SLCO3A1: variants seen among roughly 807,000 people sequenced by gnomAD.
SLCO3A1 encodes the protein PGE1 transporter.
Under a neutral mutation model 63.1 loss-of-function variants are expected in SLCO3A1, and 27 were observed. The observed-to-expected ratio is 0.43, with a 90% CI of 0.32 to 0.59. SLCO3A1 has a LOEUF of 0.59. Among genes scored for constraint, SLCO3A1 ranks in the 20% least tolerant of loss-of-function variants. SLCO3A1 has a pLI of 0.09. For missense variants in SLCO3A1, 773 were observed against 945.8 expected, an observed-to-expected ratio of 0.82 and a Z score of 2.40; for synonymous variants, 473 against 409.9, an observed-to-expected ratio of 1.15 and a Z score of -1.86.
chr15:91,931,801 G>GCACACACA (rs747533145), intron 2 of SLCO3A1, among the ~76,000 whole-genome samples: 3 of 149,770 alleles, frequency 2.0e-5, no homozygotes, highest in Non-Finnish European at 4.5e-5. Flanking sequence ...ACACACACAC[G>GCACACACA]CACACACACA....
intron 2 of SLCO3A1, among the ~76,000 whole-genome samples, chr15:92,072,002 G>A (rs2047221088): frequency 1.3e-5 from 2 of 152,176 alleles, no homozygotes; most frequent in South Asian, 4.1e-4. Flanking sequence ...GCACAAATCG[G>A]TTCTTCCCTA....
chr15:92,127,505 C>T (rs985960303), intron 6 of SLCO3A1, among the ~76,000 whole-genome samples: 1 of 152,142 alleles, frequency 6.6e-6, no homozygotes, highest in African/African-American at 2.4e-5. Context: ...ATGAAATAAT[C>T]CATGCAGTAC....
Position 92,140,612 on chromosome 15 carries a change from C to G in SLCO3A1, c.1513-6372C>G, listed in dbSNP as rs543120279. Among the ~76,000 whole-genome samples, 4 of 152,270 alleles carry G rather than the reference C, an allele frequency of 2.6e-5. No individual in the cohort carries two copies. The South Asian group carries it at 6.2e-4, about 24-fold the overall frequency. Reference sequence around the variant, plus strand: ...TCTCCCATTATTAATGTGTGGGAGTCTAATTCTCTTTGTAGGTCACTCAGG... The same window carrying G: ...TCTCCCATTATTAATGTGTGGGAGTGTAATTCTCTTTGTAGGTCACTCAGG... On this transcript the variant is annotated intron_variant, in intron 7 of 9. Coordinates refer to ENST00000318445, the MANE Select transcript of SLCO3A1 (RefSeq NM_013272.4).
rs751987219 is a variant in SLCO3A1 at position 92,104,496 on chromosome 15, C to G, written c.963C>G (p.His321Gln). The G allele has an allele frequency of 1.9e-6, 3 of 1,613,882 alleles. No homozygotes were observed. The Admixed American group carries it at 5.0e-5, about 27-fold the overall frequency. The change falls in exon 4 of 10, where the codon CAC (histidine) becomes CAG (glutamine). Residue 321 changes from histidine (H) to glutamine (Q), a missense_variant. Physicochemically the swap from His to Gln is conservative, Grantham distance 24. Coordinates refer to ENST00000318445, the MANE Select transcript of SLCO3A1 (RefSeq NM_013272.4). Reference protein sequence around the residue: ...RPKPSNGVLRHPLEPDSSASC... With the variant: ...RPKPSNGVLRQPLEPDSSASC... The stretch of plus-strand genomic sequence containing the variant: ...AGCCCAGCAACGGGGTCCTGAGGCA[C>G]CCCCTGGAGCCAGACAGCAGTGCCT...
intron 4 of SLCO3A1, among the ~76,000 whole-genome samples, chr15:92,105,508 C>A (rs1245736181): frequency 1.3e-5 from 2 of 152,086 alleles, no homozygotes; most frequent in African/African-American, 2.4e-5. Flanking sequence ...AGTGAGAACC[C>A]CCCTCCACCA....
chr15:91,962,586 A>AG (rs1900491113), intron 2 of SLCO3A1, among the ~76,000 whole-genome samples: 1 of 150,086 alleles, frequency 6.7e-6, no homozygotes, highest in African/African-American at 2.4e-5. Context: ...CTTGGTGCTG[A>AG]GGAGGGAAGT....
intron 2 of SLCO3A1, among the ~76,000 whole-genome samples, chr15:92,019,446 G>C (rs1239285660): frequency 6.6e-6 from 1 of 152,216 alleles, no homozygotes; most frequent in African/African-American, 2.4e-5. Flanking sequence ...ACCCCCAGAG[G>C]CTTCCTCCTA....
intron 2 of SLCO3A1, among the ~76,000 whole-genome samples, chr15:91,962,207 C>G (rs999834869): frequency 6.6e-6 from 1 of 152,172 alleles, no homozygotes; most frequent in East Asian, 1.9e-4. Context: ...CGGCCGTGCA[C>G]AGTGGCTCAC....
intron 1 of SLCO3A1, among the ~76,000 whole-genome samples, chr15:91,898,336 A>C (rs1898061738): frequency 6.6e-6 from 1 of 152,166 alleles, no homozygotes; most frequent in Non-Finnish European, 1.5e-5. Context: ...TTCCTTTTAC[A>C]TTTGCTAATA....
At chr15:91,943,087 T>G (rs1161699619) in intron 2 of SLCO3A1, among the ~76,000 whole-genome samples, 1 of 152,224 alleles carries the variant, frequency 6.6e-6, no homozygotes, top group Non-Finnish European at 1.5e-5. Flanking sequence ...TTATAGAAAT[T>G]GATGGTAAAA....
At position 91,862,276 on chromosome 15, in the gene SLCO3A1, C is replaced by T. The variant is rs1897067012; in HGVS notation, c.180+8188C>T. Reference sequence around the variant, plus strand: ...TCAAGCAATTCTCCTGCCTCAGCCTCCCCAGTAGCTGGGACTACAGGCGCG... The same window carrying T: ...TCAAGCAATTCTCCTGCCTCAGCCTTCCCAGTAGCTGGGACTACAGGCGCG... On this transcript the variant is annotated intron_variant, in intron 1 of 9. Coordinates refer to ENST00000318445, the MANE Select transcript of SLCO3A1 (RefSeq NM_013272.4). The surrounding 1 kb of genome is among the most constrained non-coding windows in gnomAD (Gnocchi z 4.0). Among the ~76,000 whole-genome samples, 1 of 152,068 alleles carries T rather than the reference C, an allele frequency of 6.6e-6. No individual in the cohort carries two copies. The highest frequency in any genetic ancestry group is 6.5e-5 in the Admixed American group (1 of 15,274).
rs372118233 is a variant in SLCO3A1, at chr15:92,101,512, GA to G, written c.746-2756del. On this transcript the variant is annotated intron_variant, in intron 3 of 9. Transcript: ENST00000318445. ...CGACAGAGCGAGATCCACCTCAAAA[GA>G]AAAAAAAAAATTAGTATTTGTTATA... Among the ~76,000 whole-genome samples the G allele has an allele frequency of 4.9e-3, 722 of 146,026 alleles. 4 individuals are homozygous for G. The highest frequency in any genetic ancestry group is 0.012 in the African/African-American group (492 of 40,028).
In SLCO3A1 at chr15:91,989,471, T is replaced by C. The variant is rs2046098924; in HGVS notation, c.646+73013T>C. On this transcript the variant is annotated intron_variant, in intron 2 of 9. Transcript: ENST00000318445. The stretch of plus-strand genomic sequence containing the variant: ...AAATATGGATTGCGTGATTGAATGA[T>C]TTAGTAAAAAACATTCCAGATCTCT... Among the ~76,000 whole-genome samples the C allele has an allele frequency of 4.6e-5, 7 of 152,304 alleles. 1 individual carries two copies. In the South Asian group the frequency reaches 1.2e-3, roughly 27 times the overall value.
chr15:91,889,714 C>G (rs1348329848), intron 1 of SLCO3A1, among the ~76,000 whole-genome samples: 1 of 152,240 alleles, frequency 6.6e-6, no homozygotes, highest in East Asian at 1.9e-4. Flanking sequence ...GGCAAATCAA[C>G]CAGGCCATTA....
In SLCO3A1 at chr15:91,856,686, A is replaced by G. The variant is rs1167399643; in HGVS notation, c.180+2598A>G. 6.6e-6 allele frequency among the ~76,000 whole-genome samples: 1 copy of G among 152,180 alleles called. No individual in the cohort carries two copies. Among genetic ancestry groups the G allele is most frequent in the Non-Finnish European group, 1.5e-5 (1 of 68,018 alleles). On this transcript the variant is annotated intron_variant, in intron 1 of 9. Transcript: ENST00000318445. This position sits in a 1 kb window ranked among gnomAD's most constrained non-coding sequence, Gnocchi z 4.9. ...GGTCCACGTGCTAAGTGTGCGTTAT[A>G]CGTGATCCTTACCTTGGCAATCAGC...
At chr15:91,893,338 G>C (rs1434387095) in intron 1 of SLCO3A1, among the ~76,000 whole-genome samples, 1 of 152,216 alleles carries the variant, frequency 6.6e-6, no homozygotes, top group East Asian at 1.9e-4. Context: ...GCTATAACAC[G>C]ATACCATAAA....
chr15:92,086,710 T>C (rs550087834), intron 2 of SLCO3A1, among the ~76,000 whole-genome samples: 7 of 152,294 alleles, frequency 4.6e-5, no homozygotes, highest in African/African-American at 1.4e-4. Flanking sequence ...GCGCAGTGGC[T>C]CATGCCTGTA....
At chr15:92,019,763 T>C (rs16946268) in intron 2 of SLCO3A1, among the ~76,000 whole-genome samples, 30,550 of 152,030 alleles carry the variant, frequency 0.2, 3,287 homozygotes, top group African/African-American at 0.24. Context: ...CCAGCCGGTG[T>C]GTGTGTTAGA....
intron 2 of SLCO3A1, among the ~76,000 whole-genome samples, chr15:91,920,334 C>T (rs1025929878): frequency 8.5e-5 from 13 of 152,116 alleles, no homozygotes; most frequent in Non-Finnish European, 1.9e-4. Flanking sequence ...CGAGACAGCC[C>T]GAAGCCTCCT....
Sources: allele counts gnomAD v4.1 joint callset (sites outside exome capture counted in the v4.1 genomes callset), GRCh38; gene constraint gnomAD v4.1.1; non-coding constraint Gnocchi (gnomAD v3.1); transcripts MANE v1.5; gene names NCBI Gene and HGNC (gene_info 2026-07-23, HGNC 2026-07-21).